Variants in ZBTB20 observed in about 807,000 individuals in gnomAD.
ZBTB20 encodes the protein zinc finger and BTB domain-containing protein 20.
A neutral mutation model predicts 56.9 loss-of-function variants in ZBTB20; 9 were observed. The ratio of observed to expected loss-of-function variants is 0.16; its 90% confidence interval spans 0.10 to 0.28. The LOEUF is 0.28. Among genes scored for constraint, ZBTB20 ranks in the 10% least tolerant of loss-of-function variants. The pLI is 1.00. For missense variants in ZBTB20, 655 were observed against 1,003.0 expected (o/e 0.65, Z 4.69); for synonymous variants, 417 against 420.7 (o/e 0.99, Z 0.11).
intron 5 of ZBTB20, among the ~76,000 whole-genome samples, chr3:114,707,686 A>G (rs1485865685): frequency 1.3e-5 from 2 of 152,054 alleles, no homozygotes; most frequent in Admixed American, 6.6e-5. Flanking sequence ...CCTCCCCACA[A>G]TCCATCTTCT....
At chr3:115,131,630 CA>C (rs2084509257) in intron 1 of ZBTB20, among the ~76,000 whole-genome samples, 1 of 152,058 alleles carries the variant, frequency 6.6e-6, no homozygotes, top group African/African-American at 2.4e-5. Context: ...AATATATTCC[CA>C]AAAATGAGAC....
chr3:114,392,243 A>T (rs1167960765), intron 7 of ZBTB20, among the ~76,000 whole-genome samples: 1 of 152,214 alleles, frequency 6.6e-6, no homozygotes, highest in African/African-American at 2.4e-5. Flanking sequence ...GTCAATAATA[A>T]CTTAATCGTA....
chr3:115,048,775 T>G (rs2081429651), intron 2 of ZBTB20, among the ~76,000 whole-genome samples: 1 of 152,180 alleles, frequency 6.6e-6, no homozygotes, highest in African/African-American at 2.4e-5. Flanking sequence ...TTTTAAATTG[T>G]TATTTACATT....
intron 4 of ZBTB20, among the ~76,000 whole-genome samples, chr3:114,833,479 C>T (rs1016967141): frequency 1.3e-5 from 2 of 151,982 alleles, no homozygotes; most frequent in African/African-American, 4.8e-5. Context: ...GCTCTCTAAG[C>T]TTATCCCAGA....
chr3:114,478,953 T>G (rs1377933620), intron 7 of ZBTB20, among the ~76,000 whole-genome samples: 1 of 152,154 alleles, frequency 6.6e-6, no homozygotes, highest in Admixed American at 6.5e-5. Flanking sequence ...AGTACATTTA[T>G]GCATCTGTAT....
chr3:114,394,208 T>A (rs1432764802), intron 7 of ZBTB20, among the ~76,000 whole-genome samples: 4 of 152,200 alleles, frequency 2.6e-5, no homozygotes, highest in Non-Finnish European at 5.9e-5. Flanking sequence ...GTGTATGTTT[T>A]AGTATACCCA....
chr3:114,746,529 T>C (rs1270653036), intron 5 of ZBTB20, among the ~76,000 whole-genome samples: 2 of 152,182 alleles, frequency 1.3e-5, no homozygotes, highest in Non-Finnish European at 2.9e-5. Context: ...TTAGGTTTCA[T>C]CTGTGTCAGA....
At chr3:115,084,664 A>C (rs531618785) in intron 1 of ZBTB20, among the ~76,000 whole-genome samples, 8 of 152,128 alleles carry the variant, frequency 5.3e-5, no homozygotes, top group South Asian at 2.1e-4. Flanking sequence ...AGGAGTGAAC[A>C]AAGAAATAAT....
At chr3:114,504,671 T>C (rs951195393) in intron 6 of ZBTB20, among the ~76,000 whole-genome samples, 1 of 152,172 alleles carries the variant, frequency 6.6e-6, no homozygotes, top group African/African-American at 2.4e-5. Context: ...CTGAAAAGTC[T>C]TGTTTGTGGC....
At chr3:114,353,011 T>C (rs924049162) in intron 10 of ZBTB20, among the ~76,000 whole-genome samples, 4 of 152,182 alleles carry the variant, frequency 2.6e-5, no homozygotes, top group Non-Finnish European at 5.9e-5. Flanking sequence ...TGATAAGATT[T>C]GGATTCAGAA....
At chr3:114,899,777 C>A (rs1243833378) in intron 4 of ZBTB20, among the ~76,000 whole-genome samples, 1 of 152,156 alleles carries the variant, frequency 6.6e-6, no homozygotes, top group African/African-American at 2.4e-5. Context: ...AGAATTCCTG[C>A]CTGTTGCCCA....
chr3:114,888,942 T>A (rs116620511), intron 4 of ZBTB20, among the ~76,000 whole-genome samples: 3,518 of 152,242 alleles, frequency 0.023, 49 homozygotes, highest in South Asian at 0.05. Context: ...CCTACCTTAT[T>A]TAATTTTTTT....
chr3:114,998,127 T>C (rs554337624), intron 2 of ZBTB20, among the ~76,000 whole-genome samples: 5 of 151,854 alleles, frequency 3.3e-5, no homozygotes, highest in Middle Eastern at 3.4e-3. Context: ...CAAATTAGTA[T>C]AGATAGGTCA....
At chr3:114,809,217 A>T (rs916875736) in intron 4 of ZBTB20, among the ~76,000 whole-genome samples, 1 of 151,734 alleles carries the variant, frequency 6.6e-6, no homozygotes, top group African/African-American at 2.4e-5. Context: ...GATTAATGTT[A>T]TTCATCACAT....
chr3:114,605,548 G>A (rs2057078171), intron 6 of ZBTB20, among the ~76,000 whole-genome samples: 1 of 152,170 alleles, frequency 6.6e-6, no homozygotes, highest in Non-Finnish European at 1.5e-5. Flanking sequence ...CATTAGAAAT[G>A]CAGAGACAAA....
At chr3:114,939,346 T>C (rs1012485253) in intron 3 of ZBTB20, among the ~76,000 whole-genome samples, 5 of 146,608 alleles carry the variant, frequency 3.4e-5, no homozygotes, top group Admixed American at 1.3e-4. Context: ...CTATAGTATG[T>C]CTACTTTACC....
chr3:114,682,653 C>T (rs1265397890), intron 6 of ZBTB20, among the ~76,000 whole-genome samples: 2 of 152,194 alleles, frequency 1.3e-5, no homozygotes, highest in African/African-American at 4.8e-5. Flanking sequence ...ATCACTAACA[C>T]AAAAGTCCCT....
chr3:114,339,025 T>C lies in ZBTB20; in HGVS notation c.2206A>G (p.Met736Val), dbSNP rs764359534. ...ACTACTTATCCGTCAGACACATGCATCCTCATGTGGTCGTTGAACTGCTCG... is the reference window on the plus strand; with the variant it reads ...ACTACTTATCCGTCAGACACATGCACCCTCATGTGGTCGTTGAACTGCTCG... The part of the protein sequence containing the change: ...QIEQFNDHMR[M>V]HVSDG The change falls in exon 12 of 12, where the codon ATG becomes GTG. Residue 736 changes from methionine (M) to valine (V), a missense_variant. Around this residue, in one of 10 missense-constraint regions of ZBTB20, gnomAD observed 89 missense variants for 79.7 expected, o/e 1.12. Transcript: ENST00000675478. This position sits in a 1 kb window ranked among gnomAD's most constrained non-coding sequence, Gnocchi z 4.2. 6.6e-6 allele frequency: 10 copies of C among 1,518,920 alleles called. No homozygotes were observed. Among genetic ancestry groups the C allele is most frequent in the Non-Finnish European group, 3.5e-6 (4 of 1,132,846 alleles). The allele number at this position is 1,518,920 out of a possible 1,614,324, so 94.1% of individuals were successfully genotyped here. A position where few individuals can be genotyped will look rare whatever the true frequency, so the allele number is the denominator to read the frequency against.
intron 10 of ZBTB20, among the ~76,000 whole-genome samples, chr3:114,371,563 G>A (rs1240121614): frequency 1.3e-5 from 2 of 152,146 alleles, no homozygotes; most frequent in Admixed American, 6.5e-5. Context: ...ATAAAACTGC[G>A]TCCTGCACAA....
Sources: allele counts gnomAD v4.1 joint callset (sites outside exome capture counted in the v4.1 genomes callset), GRCh38; gene constraint gnomAD v4.1.1; regional missense constraint gnomAD v4.1.1; non-coding constraint Gnocchi (gnomAD v3.1); transcripts MANE v1.5; gene names NCBI Gene and HGNC (gene_info 2026-07-23, HGNC 2026-07-21).